NUS1: variants seen among roughly 807,000 people sequenced by gnomAD.
The protein encoded by NUS1 is NUS1 dehydrodolichyl diphosphate synthase subunit, also known as dehydrodolichyl diphosphate synthase complex subunit NUS1.
For synonymous variants in NUS1, 135 were observed against 155.2 expected, an observed-to-expected ratio of 0.87 and a Z score of 0.97; for missense variants, 292 against 382.9, an observed-to-expected ratio of 0.76 and a Z score of 1.98.
chr6:117,692,348 T>TC (rs1290932701), intron 1 of NUS1, among the ~76,000 whole-genome samples: 2 of 152,052 alleles, frequency 1.3e-5, no homozygotes, highest in African/African-American at 4.8e-5. Flanking sequence ...AAAGACTTGT[T>TC]CCTTTTTTTT....
At chr6:117,704,004 A>G (rs1486287005) in intron 4 of NUS1, among the ~76,000 whole-genome samples, 3 of 152,176 alleles carry the variant, frequency 2.0e-5, no homozygotes, top group Non-Finnish European at 4.4e-5. Context: ...TTTCTTATTT[A>G]GAGAAAAGGC....
At chr6:117,679,991 C>T (rs935298168) in intron 1 of NUS1, among the ~76,000 whole-genome samples, 31 of 152,122 alleles carry the variant, frequency 2.0e-4, no homozygotes, top group Non-Finnish European at 2.8e-4. Context: ...GTCCTACACC[C>T]CTTTGCTCTC....
chr6:117,676,698 C>G (rs1772988161), intron 1 of NUS1, among the ~76,000 whole-genome samples: 1 of 152,190 alleles, frequency 6.6e-6, no homozygotes, highest in African/African-American at 2.4e-5. Flanking sequence ...CTGATTTGCC[C>G]AAGGCCACAA....
chr6:117,691,579 A>G (rs1249970041), intron 1 of NUS1, among the ~76,000 whole-genome samples: 1 of 146,558 alleles, frequency 6.8e-6, no homozygotes, highest in East Asian at 2.0e-4. Flanking sequence ...ATATATATAT[A>G]TATATATAGT....
At chr6:117,677,905 CGTG>C (rs1384054340) in intron 1 of NUS1, among the ~76,000 whole-genome samples, 1 of 152,152 alleles carries the variant, frequency 6.6e-6, no homozygotes, top group Non-Finnish European at 1.5e-5. Context: ...CATTAAGCAA[CGTG>C]GTGGATTGAT....
intron 1 of NUS1, among the ~76,000 whole-genome samples, chr6:117,692,750 A>G (rs940358017): frequency 1.3e-5 from 2 of 152,130 alleles, no homozygotes; most frequent in Non-Finnish European, 2.9e-5. Context: ...CTGAATCCAT[A>G]AAGATTTTAA....
At chr6:117,699,746 C>T (rs899963735) in intron 3 of NUS1, among the ~76,000 whole-genome samples, 2 of 152,096 alleles carry the variant, frequency 1.3e-5, no homozygotes, top group African/African-American at 4.8e-5. Context: ...TACCTGACTT[C>T]CAGTTATACT....
At position 117,693,115 on chromosome 6, in the gene NUS1, T is replaced by C. The variant is rs772319851; in HGVS notation, c.489T>C (p.Asp163=). Residue 163 remains aspartate (D), a synonymous_variant, in exon 2 of 5, where the codon GAT becomes GAC. Coordinates refer to ENST00000368494, the MANE Select transcript of NUS1 (RefSeq NM_138459.5). ...AACAGCAAGAACTTCTGGGCCTAGA[T>C]TGTTCAAAATACTCACCAGAATTTG... ...LKQQQELLGL[D]CSKYSPEFAN... is the part of the protein sequence containing the mutation. The C allele has an allele frequency of 5.9e-5, 95 of 1,612,478 alleles. No homozygotes were observed. The highest frequency in any genetic ancestry group is 7.5e-5 in the Non-Finnish European group (89 of 1,178,868).
Position 117,709,708 on chromosome 6 carries a change from G to A in NUS1, c.*2693G>A, listed in dbSNP as rs1773549706. On this transcript the variant is annotated 3_prime_UTR_variant, in exon 5 of 5. Coordinates refer to ENST00000368494, the MANE Select transcript of NUS1 (RefSeq NM_138459.5). ...GACTTTGACAATATGTAAATAATGTGTAAAGCCAGTTTTTATGATTAAGGA... is the reference window on the plus strand; with the variant it reads ...GACTTTGACAATATGTAAATAATGTATAAAGCCAGTTTTTATGATTAAGGA... 1 of 152,542 alleles carries A rather than the reference G, an allele frequency of 6.6e-6. No homozygotes were observed. The highest frequency in any genetic ancestry group is 2.4e-5 in the African/African-American group (1 of 41,410). 9.4% of individuals were successfully genotyped at this position (152,542 alleles called of 1,614,324 possible). A position where few individuals can be genotyped will look rare whatever the true frequency, so the allele number is the denominator to read the frequency against.
chr6:117,692,808 C>T (rs1447235663), intron 1 of NUS1, among the ~76,000 whole-genome samples: 1 of 152,114 alleles, frequency 6.6e-6, no homozygotes, highest in Admixed American at 6.5e-5. Context: ...GTCATATTCA[C>T]ATGCCACTAC....
At position 117,675,783 on chromosome 6, in the gene NUS1, G is replaced by A; in HGVS notation, c.113G>A (p.Arg38Gln). The A allele has an allele frequency of 6.4e-7, 1 of 1,560,660 alleles. No individual in the cohort carries two copies. Among genetic ancestry groups the A allele is most frequent in the Non-Finnish European group, 8.6e-7 (1 of 1,156,216 alleles). ...TTCGGCACCTGGAACTGGATCTGGC[G>A]GCGCTGCTGCCGCGCCGCCTCTGCC... ...VRFGTWNWIWRRCCRAASAAV... is the reference protein window; with the variant it reads ...VRFGTWNWIWQRCCRAASAAV... The change falls in exon 1 of 5, where the codon CGG becomes CAG. Residue 38 changes from arginine to glutamine, a missense_variant. Coordinates refer to ENST00000368494, the MANE Select transcript of NUS1 (RefSeq NM_138459.5).
At position 117,693,148 on chromosome 6, in the gene NUS1, T is replaced by C. The variant is rs777005273; in HGVS notation, c.522T>C (p.Ser174=). The change falls in exon 2 of 5, where the codon AGT becomes AGC. Residue 174 remains serine, a synonymous_variant. Transcript: ENST00000368494. Reference sequence around the variant, plus strand: ...AATACTCACCAGAATTTGCAAATAGTAATGACAAAGATGATCAAGGTAAGC... The same window carrying C: ...AATACTCACCAGAATTTGCAAATAGCAATGACAAAGATGATCAAGGTAAGC... ...CSKYSPEFAN[S]NDKDDQVLNC... 10 of 1,612,734 alleles carry C rather than the reference T, an allele frequency of 6.2e-6. No homozygotes were observed. The highest frequency in any genetic ancestry group is 4.5e-5 in the East Asian group (2 of 44,736).
chr6:117,709,066 A>G lies in NUS1; in HGVS notation c.*2051A>G, dbSNP rs569597518. 2 of 152,104 alleles carry G rather than the reference A, an allele frequency of 1.3e-5. No individual in the cohort carries two copies. Among genetic ancestry groups the G allele is most frequent in the Non-Finnish European group, 1.5e-5 (1 of 67,972 alleles). 9.4% of individuals were successfully genotyped at this position (152,104 alleles called of 1,614,324 possible). ...AAGTTCTAGGAAGAGGCAAACTACA[A>G]ACTACTAGGATTCTGATTTCAGATG... On this transcript the variant is annotated 3_prime_UTR_variant, in exon 5 of 5. Transcript: ENST00000368494.
At chr6:117,691,440 AATCTT>A (rs1300170432) in intron 1 of NUS1, among the ~76,000 whole-genome samples, 1 of 151,394 alleles carries the variant, frequency 6.6e-6, no homozygotes, top group Non-Finnish European at 1.5e-5. Context: ...TCTCAGCTCA[AATCTT>A]ATTTTATAAA....
intron 1 of NUS1, among the ~76,000 whole-genome samples, chr6:117,678,952 G>A (rs944313783): frequency 6.6e-6 from 1 of 152,148 alleles, no homozygotes; most frequent in Admixed American, 6.5e-5. Context: ...AAAGTGCTGG[G>A]ATTACAGGTG....
intron 1 of NUS1, among the ~76,000 whole-genome samples, chr6:117,679,713 TC>T (rs893706926): frequency 9.9e-5 from 15 of 152,228 alleles, no homozygotes; most frequent in African/African-American, 3.4e-4. Context: ...TTAACTAACT[TC>T]CCCCAGAACA....
chr6:117,686,151 C>G (rs1218056716), intron 1 of NUS1, among the ~76,000 whole-genome samples: 4 of 142,508 alleles, frequency 2.8e-5, no homozygotes, highest in African/African-American at 7.9e-5. Flanking sequence ...GTCCCAGCTA[C>G]TCGAGAGGCT....
chr6:117,696,767 A>G (rs1165642856), intron 3 of NUS1, among the ~76,000 whole-genome samples: 1 of 152,166 alleles, frequency 6.6e-6, no homozygotes, highest in African/African-American at 2.4e-5. Context: ...CCTGCAAGAA[A>G]TGCTAAGGGG....
intron 1 of NUS1, among the ~76,000 whole-genome samples, chr6:117,683,424 T>G (rs140281988): frequency 2.7e-4 from 41 of 152,332 alleles, no homozygotes; most frequent in African/African-American, 9.1e-4. Flanking sequence ...TTTTTTTCAT[T>G]TTAAATAATT....
Sources: allele counts gnomAD v4.1 joint callset (sites outside exome capture counted in the v4.1 genomes callset), GRCh38; gene constraint gnomAD v4.1.1; transcripts MANE v1.5; gene names NCBI Gene and HGNC (gene_info 2026-07-23, HGNC 2026-07-21).